Variants in BCAN observed in about 807,000 individuals in gnomAD.
The protein encoded by BCAN is brevican core protein.
In BCAN, 51 loss-of-function variants were observed where a neutral mutation model predicts 92.4. That is an observed-to-expected ratio of 0.55 (90% confidence interval 0.44 to 0.70). The LOEUF (loss-of-function observed/expected upper bound fraction) is 0.70, where lower values mean the gene tolerates loss of function less well. Among genes scored for constraint, BCAN ranks in the 30% least tolerant of loss-of-function variants. The probability of loss-of-function intolerance (pLI) is 0.00; values close to 1 mark genes in which losing one functional copy is unlikely to be tolerated. For synonymous variants in BCAN, 501 were observed against 505.2 expected (o/e 0.99, Z 0.11); for missense variants, 1,140 against 1,212.1 (o/e 0.94, Z 0.88).
In BCAN at chr1:156,647,057, G is replaced by A; in HGVS notation, c.348G>A (p.Ser116=). 6.2e-7 allele frequency: 1 copy of A among 1,611,364 alleles called. No individual in the cohort carries two copies. Among genetic ancestry groups the A allele is most frequent in the Non-Finnish European group, 8.5e-7 (1 of 1,178,218 alleles). Residue 116 remains serine, a synonymous_variant, in exon 3 of 14, where the codon TCG becomes TCA. Coordinates refer to ENST00000329117, the MANE Select transcript of BCAN (RefSeq NM_021948.5). The surrounding 1 kb of genome is among the most constrained non-coding windows in gnomAD (Gnocchi z 4.8). ...FRVALPAYPA[S]LTDVSLALSE... ...TGGCACTGCCTGCGTACCCAGCGTC[G>A]CTCACCGACGTCTCCCTGGCGCTGA... is the stretch of plus-strand genomic sequence containing the variant.
rs1170950464 is a variant in BCAN at position 156,652,335 on chromosome 1, A to G, written c.1385A>G (p.Glu462Gly). The part of the protein sequence containing the change: ...ALEEEEKYED[E>G]EEKEEEEEEE... ...GAGGAAGAAGAGAAATATGAAGATG[A>G]AGAAGAGAAAGAGGAGGAAGAAGAA... is the stretch of plus-strand genomic sequence containing the variant. The change falls in exon 8 of 14, where the codon GAA becomes GGA. Residue 462 changes from glutamate (E) to glycine (G), a missense_variant. Physicochemically the swap from Glu to Gly is moderately conservative, Grantham distance 98. This residue lies in a region of BCAN where 825 missense variants were observed against 871.8 expected (regional missense o/e 0.95). Coordinates refer to ENST00000329117, the MANE Select transcript of BCAN (RefSeq NM_021948.5). The G allele has an allele frequency of 6.2e-7, 1 of 1,613,976 alleles. No individual in the cohort carries two copies. Among genetic ancestry groups the G allele is most frequent in the East Asian group, 2.2e-5 (1 of 44,902 alleles).
rs771708082 is a variant in BCAN at position 156,647,863 on chromosome 1, A to T, written c.642-120A>T. On this transcript the variant is annotated intron_variant, in intron 4 of 13. Coordinates refer to ENST00000329117, the MANE Select transcript of BCAN (RefSeq NM_021948.5). The surrounding 1 kb of genome is among the most constrained non-coding windows in gnomAD (Gnocchi z 4.8). ...GCATGTGCATCCCTGCAGTGCTAGA[A>T]GGACAGCCAGCTGTCAGCAAGTGTC... 6 of 1,551,696 alleles carry T rather than the reference A, an allele frequency of 3.9e-6. No homozygotes were observed. Among genetic ancestry groups the T allele is most frequent in the Non-Finnish European group, 5.3e-6 (6 of 1,124,562 alleles).
intron 6 of BCAN, among the ~76,000 whole-genome samples, chr1:156,650,795 T>C (rs1490200711): frequency 3.3e-5 from 5 of 152,230 alleles, no homozygotes; most frequent in Admixed American, 3.3e-4. Context: ...ATACAAAAAT[T>C]AGCCAGTTAC....
intron 8 of BCAN, among the ~76,000 whole-genome samples, chr1:156,654,918 A>G (rs1051465819): frequency 2.6e-5 from 4 of 152,234 alleles, no homozygotes; most frequent in African/African-American, 4.8e-5. Flanking sequence ...ATTTCACCCA[A>G]AACAGCTAGG....
chr1:156,648,498 T>A (rs1403965025), intron 5 of BCAN, 70 bp from the exon 6 acceptor site: 6 of 1,467,608 alleles, frequency 4.1e-6, no homozygotes, highest in Non-Finnish European at 5.5e-6. Context: ...TTGCCCAGGG[T>A]TCCCATGGGA....
chr1:156,652,196 G>A (rs1000595108), intron 7 of BCAN, 52 bp from the exon 8 acceptor site: 7 of 1,524,070 alleles, frequency 4.6e-6, no homozygotes, highest in Non-Finnish European at 6.1e-6. Context: ...TTTTCCTTTC[G>A]GTCCTTGGAC....
In BCAN at chr1:156,659,294, G is replaced by A. The variant is rs1381940196; in HGVS notation, c.*160G>A. ...GAAGGGGCTTCTGGGAAATACCTAG[G>A]AGGCTCCAGCCCAGCCCAGGCCCTC... On this transcript the variant is annotated 3_prime_UTR_variant, in exon 14 of 14. Coordinates refer to ENST00000329117, the MANE Select transcript of BCAN (RefSeq NM_021948.5). 3.3e-6 allele frequency: 2 copies of A among 612,076 alleles called. No homozygotes were observed. The highest frequency in any genetic ancestry group is 1.9e-5 in the African/African-American group (1 of 53,520). The allele number at this position is 612,076 out of a possible 1,614,324, so 37.9% of individuals were successfully genotyped here. A position where few individuals can be genotyped will look rare whatever the true frequency, so the allele number is the denominator to read the frequency against.
At chr1:156,643,469 C>T (rs1678854758) in intron 1 of BCAN, 2 of 152,196 alleles carry the variant, frequency 1.3e-5, no homozygotes, top group Non-Finnish European at 2.9e-5. Context: ...ATAGCCAAAG[C>T]TCTGGCTTCT....
At position 156,659,116 on chromosome 1, in the gene BCAN, C is replaced by T; in HGVS notation, c.2718C>T (p.Ser906=). The change falls in exon 14 of 14, where the codon AGC becomes AGT. Residue 906 remains serine (S), a synonymous_variant. Coordinates refer to ENST00000329117, the MANE Select transcript of BCAN (RefSeq NM_021948.5). ...AGGCGCTGTTGATCCCCCCTTCCAG[C>T]CCCATGCCAGGTCCCTAGGGGGCAA... ...RWKALLIPPS[S]PMPGP 6.3e-7 allele frequency: 1 copy of T among 1,581,424 alleles called. No individual in the cohort carries two copies. Among genetic ancestry groups the T allele is most frequent in the Non-Finnish European group, 8.6e-7 (1 of 1,165,150 alleles).
intron 8 of BCAN, among the ~76,000 whole-genome samples, chr1:156,655,075 G>C (rs750727839): frequency 2.8e-4 from 42 of 152,226 alleles, no homozygotes; most frequent in Non-Finnish European, 5.6e-4. Flanking sequence ...GGTAAAGTCT[G>C]AAGGGTTCTG....
Sources: gnomAD v4.1 joint callset for allele counts (sites outside exome capture counted in the v4.1 genomes callset) on GRCh38, gnomAD v4.1.1 for gene constraint, gnomAD v4.1.1 regional missense constraint, Gnocchi (gnomAD v3.1) non-coding constraint, MANE v1.5 for transcripts, NCBI Gene and HGNC (gene_info 2026-07-23, HGNC 2026-07-21) for gene names.